Variants in CCDC102B observed in about 807,000 individuals in gnomAD.
CCDC102B encodes coiled-coil domain containing 102B.
Under a neutral mutation model 57.4 loss-of-function variants are expected in CCDC102B, and 75 were observed. The observed-to-expected ratio is 1.31, with a 90% CI of 1.08 to 1.58. The LOEUF (loss-of-function observed/expected upper bound fraction) is 1.58, where lower values mean the gene tolerates loss of function less well. Ranked by LOEUF, CCDC102B falls within the 40% of genes most tolerant of loss-of-function variation. CCDC102B has a pLI of 0.00. For synonymous variants in CCDC102B, 206 were observed against 201.9 expected (o/e 1.02, Z -0.17); for missense variants, 636 against 582.6 (o/e 1.09, Z -0.94).
At chr18:68,770,655 C>A (rs188379523) in intron 2 of CCDC102B, among the ~76,000 whole-genome samples, 5 of 152,330 alleles carry the variant, frequency 3.3e-5, no homozygotes, top group Admixed American at 2.0e-4. Flanking sequence ...ATTCCTTTCA[C>A]TGCAGTTCTT....
chr18:68,739,884 G>A (rs1599391776), intron 2 of CCDC102B, among the ~76,000 whole-genome samples: 1 of 152,190 alleles, frequency 6.6e-6, no homozygotes, highest in Non-Finnish European at 1.5e-5. Context: ...CAGCTGCAGA[G>A]CTTCCTTGTT....
At chr18:68,909,497 G>C (rs1018588872) in intron 6 of CCDC102B, among the ~76,000 whole-genome samples, 1 of 152,086 alleles carries the variant, frequency 6.6e-6, no homozygotes, top group African/African-American at 2.4e-5. Context: ...CATTCACAAA[G>C]TAAAAGCATG....
chr18:69,013,248 A>ATT (rs60658028), intron 7 of CCDC102B, among the ~76,000 whole-genome samples: 1 of 148,168 alleles, frequency 6.7e-6, no homozygotes, highest in African/African-American at 2.5e-5. Flanking sequence ...GCTGGAGGCC[A>ATT]TTTTTTTTTT....
chr18:68,761,254 C>T (rs2034244849), intron 2 of CCDC102B, among the ~76,000 whole-genome samples: 1 of 152,074 alleles, frequency 6.6e-6, no homozygotes, highest in Non-Finnish European at 1.5e-5. Context: ...TCTAATTATA[C>T]ATTTTTAAAC....
chr18:68,878,430 C>T (rs920418737), intron 5 of CCDC102B, among the ~76,000 whole-genome samples: 2 of 152,156 alleles, frequency 1.3e-5, no homozygotes, highest in African/African-American at 4.8e-5. Flanking sequence ...ACTCAAAGCA[C>T]GTTGGTCACT....
chr18:69,016,012 G>A (rs1352078732), intron 7 of CCDC102B, among the ~76,000 whole-genome samples: 1 of 134,802 alleles, frequency 7.4e-6, no homozygotes, highest in Non-Finnish European at 1.6e-5. Context: ...CCACCACCAT[G>A]CCTGGCTAAT....
intron 2 of CCDC102B, among the ~76,000 whole-genome samples, chr18:68,727,261 C>G (rs947152568): frequency 1.3e-4 from 20 of 152,236 alleles, no homozygotes; most frequent in African/African-American, 4.6e-4. Context: ...TGGCTAAAGC[C>G]CATAACCATG....
chr18:69,054,033 G>A lies in CCDC102B; in HGVS notation c.1438G>A (p.Asp480Asn). The A allele has an allele frequency of 2.5e-6, 4 of 1,600,080 alleles. No homozygotes were observed. Among genetic ancestry groups the A allele is most frequent in the Non-Finnish European group, 3.4e-6 (4 of 1,176,142 alleles). ...QGLNQKEDEL[D>N]DSLNQIRKLQ... Reference sequence around the variant, plus strand: ...GCATTTTCTACTTCGCTTTCAGCTTGATGATTCCCTGAATCAGATCCGTAA... The same window carrying A: ...GCATTTTCTACTTCGCTTTCAGCTTAATGATTCCCTGAATCAGATCCGTAA... Residue 480 changes from aspartate (D) to asparagine (N), a missense_variant, in exon 8 of 8, where the codon GAT becomes AAT. Physicochemically the swap from Asp to Asn is conservative, Grantham distance 23 (BLOSUM62 1). Transcript: ENST00000360242.
At chr18:69,044,189 C>T (rs956652672) in intron 7 of CCDC102B, among the ~76,000 whole-genome samples, 4 of 152,114 alleles carry the variant, frequency 2.6e-5, no homozygotes, top group African/African-American at 9.7e-5. Context: ...ATCCTACTGA[C>T]AGTAGAATAG....
At chr18:68,796,164 C>T (rs909513663), upstream of CCDC102B, among the ~76,000 whole-genome samples, 1 of 152,122 alleles carries the variant, frequency 6.6e-6, no homozygotes, top group Non-Finnish European at 1.5e-5. Context: ...ATTTAAGAGA[C>T]AGAGAGACAC....
At chr18:68,873,450 A>G (rs1269996559) in intron 4 of CCDC102B, among the ~76,000 whole-genome samples, 2 of 152,100 alleles carry the variant, frequency 1.3e-5, no homozygotes, top group Non-Finnish European at 2.9e-5. Context: ...ATAATTATAG[A>G]TGCAATAATG....
At chr18:68,768,991 C>T (rs12458844) in intron 2 of CCDC102B, among the ~76,000 whole-genome samples, 42,442 of 151,850 alleles carry the variant, frequency 0.28, 6,512 homozygotes, top group East Asian at 0.5. Context: ...CGGTGGTTCA[C>T]GCCTGTAATC....
At chr18:68,931,441 G>A (rs2041669673) in intron 6 of CCDC102B, among the ~76,000 whole-genome samples, 1 of 151,652 alleles carries the variant, frequency 6.6e-6, no homozygotes, top group Admixed American at 6.6e-5. Context: ...GATTTCCTGA[G>A]GAAAGCATTC....
chr18:68,966,032 G>A (rs1033779889), intron 6 of CCDC102B, among the ~76,000 whole-genome samples: 2 of 152,118 alleles, frequency 1.3e-5, no homozygotes, highest in African/African-American at 2.4e-5. Flanking sequence ...CTGAGAGGTC[G>A]AGGTAGGTTT....
At chr18:68,981,433 A>G (rs1002072699) in intron 6 of CCDC102B, among the ~76,000 whole-genome samples, 3 of 152,064 alleles carry the variant, frequency 2.0e-5, no homozygotes, top group African/African-American at 4.8e-5. Flanking sequence ...ATATTGTCAG[A>G]TAACTATTGG....
At chr18:68,832,379 A>C (rs1934005067) in intron 1 of CCDC102B, among the ~76,000 whole-genome samples, 1 of 152,114 alleles carries the variant, frequency 6.6e-6, no homozygotes. Context: ...TGTGATTGTT[A>C]GTTTGGTTTA....
At chr18:68,994,601 C>A (rs1267229124) in intron 6 of CCDC102B, among the ~76,000 whole-genome samples, 1 of 151,782 alleles carries the variant, frequency 6.6e-6, no homozygotes, top group Admixed American at 6.6e-5. Flanking sequence ...GTTCTTCTGA[C>A]AGTGAGTTCT....
At chr18:69,028,729 A>G (rs1370788220) in intron 7 of CCDC102B, among the ~76,000 whole-genome samples, 1 of 152,144 alleles carries the variant, frequency 6.6e-6, no homozygotes, top group Non-Finnish European at 1.5e-5. Context: ...TATAAAGTAG[A>G]ATAACTGGTG....
chr18:69,001,740 G>A (rs538230252), intron 6 of CCDC102B, among the ~76,000 whole-genome samples: 4 of 152,132 alleles, frequency 2.6e-5, no homozygotes, highest in African/African-American at 9.7e-5. Context: ...TTGTTACACC[G>A]CTGATTACCA....
Sources: allele counts gnomAD v4.1 joint callset (sites outside exome capture counted in the v4.1 genomes callset), GRCh38; gene constraint gnomAD v4.1.1; transcripts MANE v1.5; gene names NCBI Gene and HGNC (gene_info 2026-07-23, HGNC 2026-07-21).